The following CSMD1 variants were observed in gnomAD, a reference collection of about 807,000 sequenced individuals.
CSMD1 encodes CUB and sushi domain-containing protein 1.
Under a neutral mutation model 417.5 loss-of-function variants are expected in CSMD1, and 213 were observed. The ratio of observed to expected loss-of-function variants is 0.51; its 90% CI spans 0.46 to 0.57. The LOEUF is 0.57. CSMD1 is among the 20% of genes least tolerant of loss of function. CSMD1 has a pLI of 0.00. For synonymous variants in CSMD1, 2,862 were observed against 1,736.8 expected (o/e 1.65, Z -16.11); for missense variants, 6,923 against 4,529.7 (o/e 1.53, Z -15.17).
intron 3 of CSMD1, among the ~76,000 whole-genome samples, chr8:4,126,417 A>G (rs951119562): frequency 2.0e-5 from 3 of 152,180 alleles, no homozygotes; most frequent in Non-Finnish European, 2.9e-5. Context: ...ATCACAGGAC[A>G]GCACCCTAGC....
chr8:3,613,427 T>C (rs76489524), intron 8 of CSMD1: 10,761 of 200,954 alleles, frequency 0.054, 520 homozygotes, highest in East Asian at 0.22. Flanking sequence ...ATTTTTACTC[T>C]GACAGGAACA....
intron 3 of CSMD1, among the ~76,000 whole-genome samples, chr8:4,390,092 C>G (rs896877736): frequency 6.6e-6 from 1 of 152,182 alleles, no homozygotes; most frequent in Admixed American, 6.5e-5. Flanking sequence ...ATGCATTCTC[C>G]TAAACATTTG....
chr8:4,707,736 A>T (rs55657755), intron 1 of CSMD1, among the ~76,000 whole-genome samples: 50,741 of 151,388 alleles, frequency 0.34, 9,604 homozygotes, highest in Non-Finnish European at 0.43. Context: ...AAAATACAAA[A>T]ATTAGCCGGG....
intron 3 of CSMD1, among the ~76,000 whole-genome samples, chr8:4,096,566 G>T (rs1018906359): frequency 7.1e-6 from 1 of 141,474 alleles, no homozygotes; most frequent in Non-Finnish European, 1.5e-5. Context: ...GATAATGCAC[G>T]CCACTAAGGA....
At chr8:3,363,462 C>G (rs1349283501) in intron 20 of CSMD1, among the ~76,000 whole-genome samples, 1 of 152,114 alleles carries the variant, frequency 6.6e-6, no homozygotes, top group African/African-American at 2.4e-5. Flanking sequence ...GTCAGAGACA[C>G]CCTCTGACCT....
intron 3 of CSMD1, among the ~76,000 whole-genome samples, chr8:4,411,237 A>T (rs1333527671): frequency 6.6e-6 from 1 of 152,166 alleles, no homozygotes; most frequent in African/African-American, 2.4e-5. Context: ...ATTAATACAT[A>T]TTTTGTTACT....
At position 3,108,699 on chromosome 8, in the gene CSMD1, T is replaced by C; in HGVS notation, c.6658A>G (p.Thr2220Ala). Residue 2220 changes from threonine (T) to alanine (A), a missense_variant, in exon 44 of 70, where the codon ACA becomes GCA. Thr to Ala is a moderately conservative substitution (Grantham distance 58, BLOSUM62 0). Transcript: ENST00000635120. The stretch of plus-strand genomic sequence containing the variant: ...GAGCTATACGCCGTTTCGAGGGCTG[T>C]GTTGCCACTGAAAACTCCCAGCTGG... Reference protein sequence around the residue: ...SPQLGVFSGNTALETAYSSTN... With the variant: ...SPQLGVFSGNAALETAYSSTN... 3 of 1,613,660 alleles carry C rather than the reference T, an allele frequency of 1.9e-6. No homozygotes were observed. Among genetic ancestry groups the C allele is most frequent in the Middle Eastern group, 1.6e-4 (1 of 6,062 alleles).
chr8:4,744,305 T>C (rs918802751), intron 1 of CSMD1, among the ~76,000 whole-genome samples: 29 of 152,214 alleles, frequency 1.9e-4, no homozygotes, highest in African/African-American at 6.5e-4. Context: ...TCTTCCATTT[T>C]GCTTTCCTGA....
chr8:4,115,590 C>T (rs1028658653), intron 3 of CSMD1, among the ~76,000 whole-genome samples: 3 of 152,092 alleles, frequency 2.0e-5, no homozygotes, highest in African/African-American at 4.8e-5. Context: ...ACTGATCATA[C>T]ATTTTTAAAT....
At chr8:4,841,866 G>T (rs191860871) in intron 1 of CSMD1, among the ~76,000 whole-genome samples, 5 of 124,786 alleles carry the variant, frequency 4.0e-5, no homozygotes, top group Non-Finnish European at 4.7e-5. Context: ...AGCCGAGATC[G>T]CACCGTTGCA....
chr8:4,224,647 G>C (rs1425120530), intron 3 of CSMD1, among the ~76,000 whole-genome samples: 1 of 152,214 alleles, frequency 6.6e-6, no homozygotes. Flanking sequence ...AGTGAAGAGG[G>C]AGATAAGTGG....
chr8:4,712,159 C>T (rs1808346781), intron 1 of CSMD1, among the ~76,000 whole-genome samples: 1 of 152,128 alleles, frequency 6.6e-6, no homozygotes, highest in South Asian at 2.1e-4. Flanking sequence ...ACCAGTGAAC[C>T]TCTTCTATTT....
At chr8:3,851,717 A>C (rs977727988) in intron 5 of CSMD1, among the ~76,000 whole-genome samples, 26 of 152,178 alleles carry the variant, frequency 1.7e-4, no homozygotes, top group African/African-American at 6.3e-4. Context: ...AAGATAAATA[A>C]TTAAAGGAAA....
intron 2 of CSMD1, among the ~76,000 whole-genome samples, chr8:4,481,578 T>G (rs1472636484): frequency 2.0e-5 from 3 of 152,194 alleles, no homozygotes; most frequent in African/African-American, 7.2e-5. Context: ...GCTAATATTT[T>G]TCACGTGTGA....
intron 10 of CSMD1, among the ~76,000 whole-genome samples, chr8:3,534,706 T>A (rs542945097): frequency 2.6e-5 from 4 of 152,294 alleles, no homozygotes; most frequent in South Asian, 4.1e-4. Context: ...ATTCTTCTAG[T>A]CCCAGAGCCT....
At position 4,614,632 on chromosome 8, in the gene CSMD1, C is replaced by A. The variant is rs139320881; in HGVS notation, c.302+22710G>T. 3.4e-3 allele frequency among the ~76,000 whole-genome samples: 522 copies of A among 152,168 alleles called. 1 individual carries two copies. The highest frequency in any genetic ancestry group is 0.022 in the South Asian group (105 of 4,810). On this transcript the variant is annotated intron_variant, in intron 2 of 69. Transcript: ENST00000635120. ...GAGTATGACCACACACACACGTACA[C>A]GTACACACACATACAAACGTGCGCA...
chr8:4,092,660 G>T (rs1039846307), intron 3 of CSMD1, among the ~76,000 whole-genome samples: 1 of 152,144 alleles, frequency 6.6e-6, no homozygotes, highest in African/African-American at 2.4e-5. Flanking sequence ...TTTCCAAACA[G>T]AATTCAGTAG....
At chr8:4,029,422 C>G (rs576870977) in intron 4 of CSMD1, among the ~76,000 whole-genome samples, 1 of 152,234 alleles carries the variant, frequency 6.6e-6, no homozygotes, top group East Asian at 1.9e-4. Context: ...AGGACCTAGC[C>G]ACGTCTTATA....
At chr8:4,277,722 G>C (rs904918287) in intron 3 of CSMD1, among the ~76,000 whole-genome samples, 2 of 152,020 alleles carry the variant, frequency 1.3e-5, no homozygotes, top group African/African-American at 4.8e-5. Context: ...AACATAATTA[G>C]ACCTTACCCA....
Sources: allele counts gnomAD v4.1 joint callset (sites outside exome capture counted in the v4.1 genomes callset), GRCh38; gene constraint gnomAD v4.1.1; transcripts MANE v1.5; gene names NCBI Gene and HGNC (gene_info 2026-07-23, HGNC 2026-07-21).